The following LYPD6 variants were observed in gnomAD, a reference collection of about 807,000 sequenced individuals.
LYPD6 encodes the protein ly6/PLAUR domain-containing protein 6.
Under a neutral mutation model 22.7 loss-of-function variants are expected in LYPD6, and 15 were observed. That is an observed-to-expected ratio of 0.66 (90% CI 0.44 to 1.02). LYPD6 has a LOEUF of 1.02. LYPD6 is among the 50% of genes least tolerant of loss of function. The pLI is 0.00. For synonymous variants in LYPD6, 72 were observed against 77.5 expected (o/e 0.93, Z 0.37); for missense variants, 189 against 208.4 (o/e 0.91, Z 0.57).
At chr2:149,465,133 G>A (rs558371944) in intron 3 of LYPD6, among the ~76,000 whole-genome samples, 2 of 152,158 alleles carry the variant, frequency 1.3e-5, no homozygotes, top group African/African-American at 4.8e-5. Context: ...GGAGAATATC[G>A]ACTTTCATAT....
At chr2:149,436,633 G>A (rs1558807366) in intron 1 of LYPD6, among the ~76,000 whole-genome samples, 1 of 152,064 alleles carries the variant, frequency 6.6e-6, no homozygotes, top group Non-Finnish European at 1.5e-5. Flanking sequence ...AGGCTGGAGT[G>A]CAATGGCACA....
chr2:149,440,995 G>A (rs573263403), intron 2 of LYPD6, among the ~76,000 whole-genome samples: 48 of 152,128 alleles, frequency 3.2e-4, no homozygotes, highest in African/African-American at 1.0e-3. Flanking sequence ...GTGAGCCACC[G>A]CGCCTGGCCT....
chr2:149,376,231 G>A lies in LYPD6; in HGVS notation c.-72+45509G>A, dbSNP rs528129751. ...TCTCCAGATTTGCGGTCTAAAACTGGTACAAAAGAAACAGCTCTGTCTAAC... is the reference window on the plus strand; with the variant it reads ...TCTCCAGATTTGCGGTCTAAAACTGATACAAAAGAAACAGCTCTGTCTAAC... On this transcript the variant is annotated intron_variant, in intron 1 of 4. Transcript: ENST00000334166. Among the ~76,000 whole-genome samples, 122 of 152,270 alleles carry A rather than the reference G, an allele frequency of 8.0e-4. No individual in the cohort carries two copies. In the South Asian group the frequency reaches 0.022, roughly 28 times the overall value.
chr2:149,460,365 C>G (rs1573826124), intron 3 of LYPD6, among the ~76,000 whole-genome samples: 1 of 152,052 alleles, frequency 6.6e-6, no homozygotes, highest in Admixed American at 6.5e-5. Context: ...GACTTCAGTG[C>G]AGATAAAATT....
Position 149,330,599 on chromosome 2 carries a change from C to G in LYPD6, c.-195C>G, listed in dbSNP as rs1421451281. The G allele has an allele frequency of 6.6e-6, 1 of 151,536 alleles. No homozygotes were observed. Among genetic ancestry groups the G allele is most frequent in the Non-Finnish European group, 1.5e-5 (1 of 67,874 alleles). The allele number at this position is 151,536 out of a possible 1,614,324, so 9.4% of individuals were successfully genotyped here. A position where few individuals can be genotyped will look rare whatever the true frequency, so the allele number is the denominator to read the frequency against. ...CCCGCTGCGCTCCCTCGCTCCTTCC[C>G]TGAGCTCCCGGGCTCCGGCAGCGGG... is the stretch of plus-strand genomic sequence containing the variant. On this transcript the variant is annotated 5_prime_UTR_variant, in exon 1 of 5. Transcript: ENST00000334166.
chr2:149,435,247 G>A (rs1683404353), intron 1 of LYPD6, among the ~76,000 whole-genome samples: 2 of 152,170 alleles, frequency 1.3e-5, no homozygotes, highest in Non-Finnish European at 2.9e-5. Flanking sequence ...TGTTGTATAA[G>A]CCCCCCAGTC....
the LYPD6 span, among the ~76,000 whole-genome samples, chr2:149,480,676 T>C: frequency 9.8e-4 from 149 of 152,318 alleles, no homozygotes; most frequent in African/African-American, 3.4e-3. Flanking sequence ...TGCAGTGTTA[T>C]TGCCGTGCAC....
chr2:149,453,244 T>C (rs1362407984), intron 3 of LYPD6, among the ~76,000 whole-genome samples: 1 of 152,198 alleles, frequency 6.6e-6, no homozygotes, highest in African/African-American at 2.4e-5. Context: ...AAACAAGAGT[T>C]GAATGTCGTG....
the LYPD6 span, among the ~76,000 whole-genome samples, chr2:149,486,330 C>G: frequency 6.6e-6 from 1 of 152,196 alleles, no homozygotes; most frequent in Non-Finnish European, 1.5e-5. Flanking sequence ...CCTCACTGCT[C>G]AGGTGTTTCG....
chr2:149,352,165 C>T (rs1000637589), intron 1 of LYPD6, among the ~76,000 whole-genome samples: 4 of 151,872 alleles, frequency 2.6e-5, no homozygotes, highest in Admixed American at 6.6e-5. Flanking sequence ...AGAAAACTAA[C>T]GATAAAAAAT....
At chr2:149,392,584 C>T (rs1216727052) in intron 1 of LYPD6, among the ~76,000 whole-genome samples, 1 of 152,118 alleles carries the variant, frequency 6.6e-6, no homozygotes, top group Non-Finnish European at 1.5e-5. Flanking sequence ...TCCCCATTGC[C>T]ATAAGCAGAA....
chr2:149,404,001 A>G (rs929049580), intron 1 of LYPD6, among the ~76,000 whole-genome samples: 14 of 152,134 alleles, frequency 9.2e-5, no homozygotes, highest in African/African-American at 3.1e-4. Context: ...TCCTTTCCCT[A>G]TTGCTTATTT....
intron 1 of LYPD6, among the ~76,000 whole-genome samples, chr2:149,432,146 T>A (rs1418231745): frequency 6.6e-6 from 1 of 152,138 alleles, no homozygotes; most frequent in Non-Finnish European, 1.5e-5. Context: ...GAAACACATA[T>A]ATTGCTGATG....
At chr2:149,423,086 G>A (rs978336075) in intron 1 of LYPD6, among the ~76,000 whole-genome samples, 10 of 152,052 alleles carry the variant, frequency 6.6e-5, no homozygotes, top group Non-Finnish European at 1.3e-4. Flanking sequence ...GCAGTTGGAG[G>A]CAACACCAAG....
chr2:149,481,859 T>G, the LYPD6 span, among the ~76,000 whole-genome samples: 1 of 152,234 alleles, frequency 6.6e-6, no homozygotes, highest in African/African-American at 2.4e-5. Context: ...ACTTTTATAA[T>G]GAAAAACATA....
At chr2:149,377,185 C>G (rs1032537068) in intron 1 of LYPD6, among the ~76,000 whole-genome samples, 1 of 150,766 alleles carries the variant, frequency 6.6e-6, no homozygotes, top group Non-Finnish European at 1.5e-5. Flanking sequence ...GTAGATGACT[C>G]TTTTCTTTCT....
At chr2:149,366,435 G>A (rs1178436153) in intron 1 of LYPD6, among the ~76,000 whole-genome samples, 1 of 152,164 alleles carries the variant, frequency 6.6e-6, no homozygotes, top group African/African-American at 2.4e-5. Context: ...GAGAAAGAAT[G>A]TAAATGAGCG....
intron 1 of LYPD6, among the ~76,000 whole-genome samples, chr2:149,430,096 GTATTTATT>G (rs141066148): frequency 6.6e-6 from 1 of 152,020 alleles, no homozygotes; most frequent in Admixed American, 6.6e-5. Flanking sequence ...ATTCGCAATT[GTATTTATT>G]TATTTATTTA....
At chr2:149,436,413 C>T (rs541704051) in intron 1 of LYPD6, among the ~76,000 whole-genome samples, 9 of 152,232 alleles carry the variant, frequency 5.9e-5, no homozygotes, top group Admixed American at 2.0e-4. Flanking sequence ...AAGAGAATAG[C>T]ACCTATATAA....
Sources: gnomAD v4.1 joint callset for allele counts (sites outside exome capture counted in the v4.1 genomes callset) on GRCh38, gnomAD v4.1.1 for gene constraint, MANE v1.5 for transcripts, NCBI Gene and HGNC (gene_info 2026-07-23, HGNC 2026-07-21) for gene names.